Variants in CNTNAP2 observed in about 807,000 individuals in gnomAD.
CNTNAP2 encodes contactin-associated protein-like 2.
In CNTNAP2, 98 loss-of-function variants were observed where a neutral mutation model predicts 155.2. That is an observed-to-expected ratio of 0.63 (90% CI 0.54 to 0.75). The LOEUF is 0.75. Among genes scored for constraint, CNTNAP2 ranks in the 30% least tolerant of loss-of-function variants. The pLI, the probability that CNTNAP2 is intolerant of heterozygous loss-of-function variation, is 0.00. For synonymous variants in CNTNAP2, 651 were observed against 631.2 expected (o/e 1.03, Z -0.47); for missense variants, 1,727 against 1,688.1 (o/e 1.02, Z -0.40).
At chr7:147,195,697 T>C (rs1802784041) in intron 8 of CNTNAP2, among the ~76,000 whole-genome samples, 3 of 152,132 alleles carry the variant, frequency 2.0e-5, no homozygotes, top group Admixed American at 2.0e-4. Flanking sequence ...ATGGAGTTCA[T>C]GATTTGGCTT....
chr7:148,247,873 C>T (rs1034917672), intron 20 of CNTNAP2, among the ~76,000 whole-genome samples: 9 of 151,704 alleles, frequency 5.9e-5, no homozygotes, highest in South Asian at 4.2e-4. Flanking sequence ...AGGCTGGTCT[C>T]GGACCCCTGA....
At chr7:148,282,111 C>G (rs186421923) in intron 21 of CNTNAP2, among the ~76,000 whole-genome samples, 139 of 152,286 alleles carry the variant, frequency 9.1e-4, no homozygotes, top group Non-Finnish European at 9.7e-4. Flanking sequence ...TCATAAGCCA[C>G]CACACCCAGC....
chr7:147,498,916 A>C (rs1584772957), intron 11 of CNTNAP2, among the ~76,000 whole-genome samples: 1 of 152,090 alleles, frequency 6.6e-6, no homozygotes, highest in East Asian at 1.9e-4. Flanking sequence ...TCACATTGAC[A>C]CTTGATTAAC....
chr7:146,833,969 C>T (rs1197685780), intron 2 of CNTNAP2, among the ~76,000 whole-genome samples: 2 of 152,158 alleles, frequency 1.3e-5, no homozygotes, highest in Admixed American at 6.6e-5. Context: ...AAGGGGGTCT[C>T]AAAGCCTGAA....
In CNTNAP2 at chr7:146,668,428, C is replaced by CTGTGTG. The variant is rs573459590; in HGVS notation, c.98-105803_98-105798dup. On this transcript the variant is annotated intron_variant, in intron 1 of 23. Coordinates refer to ENST00000361727, the MANE Select transcript of CNTNAP2 (RefSeq NM_014141.6). ...TCAGAGGTATTGGCCTGTAATTTTCCTGTGTGTGTGTGTGTGTGTGTGTGT... is the reference window on the plus strand; with the variant it reads ...TCAGAGGTATTGGCCTGTAATTTTCCTGTGTGTGTGTGTGTGTGTGTGTGTGTGTGT... Among the ~76,000 whole-genome samples the CTGTGTG allele has an allele frequency of 8.6e-3, 998 of 115,532 alleles. 11 individuals are homozygous for CTGTGTG. Among genetic ancestry groups the CTGTGTG allele is most frequent in the African/African-American group, 0.027 (898 of 33,876 alleles). 75.8% of individuals were successfully genotyped at this position (115,532 alleles called of 152,430 possible).
At chr7:147,641,705 G>C (rs1177858452) in intron 13 of CNTNAP2, among the ~76,000 whole-genome samples, 1 of 151,998 alleles carries the variant, frequency 6.6e-6, no homozygotes, top group Non-Finnish European at 1.5e-5. Flanking sequence ...CTCAGGAGAA[G>C]AAACAGAGCT....
chr7:146,502,614 T>C (rs534102525), intron 1 of CNTNAP2, among the ~76,000 whole-genome samples: 6 of 152,108 alleles, frequency 3.9e-5, no homozygotes, highest in Non-Finnish European at 8.8e-5. Flanking sequence ...ATTGTGATTT[T>C]TGTTGTTGTT....
intron 10 of CNTNAP2, among the ~76,000 whole-genome samples, chr7:147,398,581 G>A (rs1796859832): frequency 8.9e-6 from 1 of 112,146 alleles, no homozygotes; most frequent in South Asian, 3.0e-4. Context: ...AATACCCTAC[G>A]ATTTGAACTT....
intron 13 of CNTNAP2, among the ~76,000 whole-genome samples, chr7:147,728,022 T>G (rs1796673315): frequency 6.6e-6 from 1 of 152,042 alleles, no homozygotes; most frequent in Non-Finnish European, 1.5e-5. Flanking sequence ...CAAATCTTAT[T>G]CTTGTGTAAA....
intron 1 of CNTNAP2, among the ~76,000 whole-genome samples, chr7:146,528,483 A>G (rs801945): frequency 0.028 from 4,318 of 152,294 alleles, 201 homozygotes; most frequent in African/African-American, 0.098. Context: ...TACCATTAGT[A>G]ATATTCAAGC....
intron 8 of CNTNAP2, among the ~76,000 whole-genome samples, chr7:147,282,852 T>A (rs937226001): frequency 1.3e-5 from 2 of 151,848 alleles, no homozygotes; most frequent in African/African-American, 4.8e-5. Context: ...TGCTTTGGCC[T>A]CCCAAAATGC....
chr7:147,571,734 C>T (rs1024505339), intron 12 of CNTNAP2, among the ~76,000 whole-genome samples: 9 of 152,050 alleles, frequency 5.9e-5, no homozygotes, highest in Non-Finnish European at 8.8e-5. Context: ...CGCTACTAAG[C>T]TTCTAACCCC....
At chr7:148,204,978 T>A (rs1169811293) in intron 18 of CNTNAP2, among the ~76,000 whole-genome samples, 1 of 152,220 alleles carries the variant, frequency 6.6e-6, no homozygotes, top group African/African-American at 2.4e-5. Flanking sequence ...AAAGTGCCCA[T>A]TGGCACCTAT....
chr7:146,969,608 G>A (rs1249717210), intron 3 of CNTNAP2, among the ~76,000 whole-genome samples: 1 of 151,434 alleles, frequency 6.6e-6, no homozygotes, highest in Non-Finnish European at 1.5e-5. Context: ...TTTAAAGTCT[G>A]TTTTATCAGA....
intron 13 of CNTNAP2, among the ~76,000 whole-genome samples, chr7:147,739,640 C>T (rs1210048310): frequency 6.6e-6 from 1 of 151,932 alleles, no homozygotes. Context: ...AGTCCCAATA[C>T]AGTCAGAAGC....
intron 8 of CNTNAP2, among the ~76,000 whole-genome samples, chr7:147,289,525 A>G (rs890090057): frequency 5.3e-5 from 8 of 152,208 alleles, no homozygotes; most frequent in African/African-American, 1.9e-4. Context: ...GCATCTGCCA[A>G]AAGTGATAAG....
chr7:147,086,372 A>G (rs191491033), intron 4 of CNTNAP2, among the ~76,000 whole-genome samples: 345 of 152,178 alleles, frequency 2.3e-3, no homozygotes, highest in African/African-American at 7.9e-3. Context: ...GCTCTTTTTG[A>G]TACATCCACA....
intron 1 of CNTNAP2, among the ~76,000 whole-genome samples, chr7:146,593,978 C>T (rs1350624942): frequency 6.6e-6 from 1 of 152,194 alleles, no homozygotes; most frequent in Non-Finnish European, 1.5e-5. Flanking sequence ...GGGTTCCCCA[C>T]CCTCCACTAT....
chr7:147,441,356 C>T (rs1260427823), intron 10 of CNTNAP2, among the ~76,000 whole-genome samples: 2 of 152,092 alleles, frequency 1.3e-5, no homozygotes, highest in African/African-American at 2.4e-5. Flanking sequence ...TTCTGAATTC[C>T]TTCTCTGTGT....
Sources: gnomAD v4.1 joint callset for allele counts (sites outside exome capture counted in the v4.1 genomes callset) on GRCh38, gnomAD v4.1.1 for gene constraint, MANE v1.5 for transcripts, NCBI Gene and HGNC (gene_info 2026-07-23, HGNC 2026-07-21) for gene names.